Variants in JMJD1C observed in about 807,000 individuals in gnomAD.
The protein encoded by JMJD1C is jumonji domain containing 1C.
In JMJD1C, 31 loss-of-function variants were observed where a neutral mutation model predicts 245.3. That is an observed-to-expected ratio of 0.13 (90% CI 0.09 to 0.17). JMJD1C has a LOEUF of 0.17. JMJD1C is among the 10% of genes least tolerant of loss of function. The pLI, the probability that JMJD1C is intolerant of heterozygous loss-of-function variation, is 1.00. For missense variants in JMJD1C, 2,691 were observed against 3,000.2 expected (o/e 0.90, Z 2.41); for synonymous variants, 1,057 against 1,017.4 (o/e 1.04, Z -0.74).
At chr10:63,487,288 C>G (rs1178188845) in intron 1 of JMJD1C, among the ~76,000 whole-genome samples, 1 of 152,130 alleles carries the variant, frequency 6.6e-6, no homozygotes, top group Non-Finnish European at 1.5e-5. Flanking sequence ...CATTTTTCAT[C>G]AGGACCAAAG....
chr10:63,391,079 T>C (rs1336213928), intron 1 of JMJD1C, among the ~76,000 whole-genome samples: 4 of 152,200 alleles, frequency 2.6e-5, no homozygotes, highest in African/African-American at 9.7e-5. Context: ...ATAATGTGAC[T>C]GTGTATCTAG....
At chr10:63,303,657 G>A (rs530579240) in intron 2 of JMJD1C, among the ~76,000 whole-genome samples, 4 of 151,994 alleles carry the variant, frequency 2.6e-5, no homozygotes, top group Non-Finnish European at 4.4e-5. Flanking sequence ...CACGTATAAC[G>A]TACATATGTG....
At chr10:63,486,884 G>A (rs954354738) in intron 1 of JMJD1C, among the ~76,000 whole-genome samples, 19 of 152,080 alleles carry the variant, frequency 1.2e-4, no homozygotes, top group African/African-American at 3.9e-4. Context: ...TGGCCAAGGC[G>A]CTACACTAAG....
At chr10:63,380,820 G>A (rs1364513646) in intron 1 of JMJD1C, among the ~76,000 whole-genome samples, 1 of 152,120 alleles carries the variant, frequency 6.6e-6, no homozygotes, top group Non-Finnish European at 1.5e-5. Flanking sequence ...ACTGTTGGTG[G>A]GAATGTAAAT....
intron 1 of JMJD1C, among the ~76,000 whole-genome samples, chr10:63,444,399 G>A (rs1235989997): frequency 4.6e-5 from 7 of 151,702 alleles, no homozygotes; most frequent in Admixed American, 3.9e-4. Context: ...TCAGCCTCCC[G>A]AGTAGCTAGG....
intron 2 of JMJD1C, among the ~76,000 whole-genome samples, chr10:63,374,720 A>G (rs1454413849): frequency 1.3e-5 from 2 of 152,192 alleles, no homozygotes; most frequent in Non-Finnish European, 2.9e-5. Flanking sequence ...GGGTCATTAT[A>G]AGATTAAATA....
intron 1 of JMJD1C, among the ~76,000 whole-genome samples, chr10:63,396,423 T>G (rs887938586): frequency 6.6e-6 from 1 of 152,180 alleles, no homozygotes; most frequent in Non-Finnish European, 1.5e-5. Context: ...CCTCCACCTC[T>G]CCTTTTTTAT....
chr10:63,285,868 ATAGT>A (rs1857932068), intron 2 of JMJD1C, among the ~76,000 whole-genome samples: 1 of 152,224 alleles, frequency 6.6e-6, no homozygotes, highest in Non-Finnish European at 1.5e-5. Flanking sequence ...AGCCAATGCC[ATAGT>A]TATTGGTTTT....
At chr10:63,203,543 G>A (rs1846259562) in intron 10 of JMJD1C, 1 of 968,910 alleles carries the variant, frequency 1.0e-6, no homozygotes, top group African/African-American at 1.8e-5. Context: ...GTTTTGTATT[G>A]TAGAATTTAT....
chr10:63,253,947 T>C (rs1174416569), intron 3 of JMJD1C, among the ~76,000 whole-genome samples: 2 of 152,176 alleles, frequency 1.3e-5, no homozygotes, highest in South Asian at 2.1e-4. Flanking sequence ...TTGAAGGTAT[T>C]TGTAGTTCTG....
intron 10 of JMJD1C, chr10:63,203,709 CAA>C (rs1399620241): frequency 4.4e-5 from 43 of 983,412 alleles, no homozygotes; most frequent in Admixed American, 1.2e-4. Flanking sequence ...GAAGACATTC[CAA>C]AAGAGTAGAT....
chr10:63,382,897 C>T (rs1383742791), intron 1 of JMJD1C: 1 of 455,360 alleles, frequency 2.2e-6, no homozygotes, highest in Non-Finnish European at 4.4e-6. Context: ...ACTTCAACTC[C>T]AACTTAGCTT....
chr10:63,215,388 T>A lies in JMJD1C; in HGVS notation c.890A>T (p.Lys297Ile), dbSNP rs1024048557. The change falls in exon 7 of 26, where the codon AAA becomes ATA. Residue 297 changes from lysine (K) to isoleucine (I), a missense_variant. Coordinates refer to ENST00000399262, the MANE Select transcript of JMJD1C (RefSeq NM_032776.3). ...PAMNSQAAVP[K>I]QNTHQQQQQR... ...TTGCTGTTGCTGGTGTGTATTCTGTTTTGGTACAGCAGCTTGGGAGTTCAT... is the reference window on the plus strand; with the variant it reads ...TTGCTGTTGCTGGTGTGTATTCTGTATTGGTACAGCAGCTTGGGAGTTCAT... 1.2e-5 allele frequency: 20 copies of A among 1,614,056 alleles called. No individual in the cohort carries two copies. Among genetic ancestry groups the A allele is most frequent in the Non-Finnish European group, 1.6e-5 (19 of 1,180,042 alleles).
chr10:63,299,085 A>T (rs1486006931), intron 2 of JMJD1C, among the ~76,000 whole-genome samples: 1 of 152,176 alleles, frequency 6.6e-6, no homozygotes, highest in Admixed American at 6.6e-5. Context: ...TTTAATAAAC[A>T]TTATTACTAA....
At chr10:63,331,004 C>T (rs1724940311) in intron 2 of JMJD1C, among the ~76,000 whole-genome samples, 1 of 152,212 alleles carries the variant, frequency 6.6e-6, no homozygotes, top group African/African-American at 2.4e-5. Flanking sequence ...TCCCCACCTA[C>T]TTACTTGACT....
In JMJD1C at chr10:63,374,613, A is replaced by C. The variant is rs373018960; in HGVS notation, c.333+5705T>G. Among the ~76,000 whole-genome samples, 17 of 152,332 alleles carry C rather than the reference A, an allele frequency of 1.1e-4. No homozygotes were observed. The East Asian group carries it at 2.7e-3, about 24-fold the overall frequency. ...ACTACTATGAATATACATTTTAAAA[A>C]ATCAGAGATGCAGACAAAGGCTTGC... On this transcript the variant is annotated intron_variant, in intron 2 of 25. Coordinates refer to ENST00000399262, the MANE Select transcript of JMJD1C (RefSeq NM_032776.3).
At chr10:63,340,739 G>C (rs1248397931) in intron 2 of JMJD1C, among the ~76,000 whole-genome samples, 3 of 152,166 alleles carry the variant, frequency 2.0e-5, no homozygotes, top group Non-Finnish European at 2.9e-5. Context: ...GAGGTCAGGA[G>C]TTTGAGACTA....
intron 1 of JMJD1C, among the ~76,000 whole-genome samples, chr10:63,385,416 C>CTTTTTTTTTT (rs35450282): frequency 1.9e-5 from 1 of 53,762 alleles, no homozygotes; most frequent in Non-Finnish European, 3.1e-5. Flanking sequence ...CTGCCCCCGC[C>CTTTTTTTTTT]TTTTTTTTTT....
In JMJD1C at chr10:63,465,765, A is replaced by G; in HGVS notation, c.-103T>C. The stretch of plus-strand genomic sequence containing the variant: ...TGCTGAGGAGAGCGGACCGGGACAC[A>G]GCAGCGGACCCGAAAGAGCGCAGAC... On this transcript the variant is annotated 5_prime_UTR_variant, in exon 1 of 26. Coordinates refer to ENST00000399262, the MANE Select transcript of JMJD1C (RefSeq NM_032776.3). 3 of 1,371,008 alleles carry G rather than the reference A, an allele frequency of 2.2e-6. No individual in the cohort carries two copies. The highest frequency in any genetic ancestry group is 3.0e-6 in the Non-Finnish European group (3 of 986,194). The allele number at this position is 1,371,008 out of a possible 1,614,324, so 84.9% of individuals were successfully genotyped here.
Sources: allele counts gnomAD v4.1 joint callset (sites outside exome capture counted in the v4.1 genomes callset), GRCh38; gene constraint gnomAD v4.1.1; transcripts MANE v1.5; gene names NCBI Gene and HGNC (gene_info 2026-07-23, HGNC 2026-07-21).